PDGFB: variants seen among roughly 807,000 people sequenced by gnomAD.
PDGFB encodes the protein platelet derived growth factor subunit B.
Under a neutral mutation model 29.0 loss-of-function variants are expected in PDGFB, and 6 were observed. The ratio of observed to expected loss-of-function variants is 0.21; its 90% confidence interval spans 0.11 to 0.41. The LOEUF (loss-of-function observed/expected upper bound fraction) is 0.41, where lower values mean the gene tolerates loss of function less well. Ranked by LOEUF, PDGFB falls within the 10% of genes least tolerant of loss-of-function variation. The pLI is 1.00. For missense variants in PDGFB, 299 were observed against 341.8 expected, an observed-to-expected ratio of 0.87 and a Z score of 0.99; for synonymous variants, 144 against 140.8, an observed-to-expected ratio of 1.02 and a Z score of -0.16.
chr22:39,233,349 G>GA, intron 3 of PDGFB, 86 bp downstream of exon 3: 2 of 937,568 alleles, frequency 2.1e-6, no homozygotes, highest in East Asian at 2.8e-5. Flanking sequence ...GACCCTCGGG[G>GA]CCCTCCGACT....
At chr22:39,235,326 C>T (rs1249955393) in intron 2 of PDGFB, among the ~76,000 whole-genome samples, 1 of 152,208 alleles carries the variant, frequency 6.6e-6, no homozygotes, top group Non-Finnish European at 1.5e-5. Flanking sequence ...GAGCACGTGC[C>T]CATTCGCTGA....
At position 39,231,902 on chromosome 22, in the gene PDGFB, G is replaced by A; in HGVS notation, c.251-75C>T. On this transcript the variant is annotated intron_variant, in intron 3 of 6. Transcript: ENST00000331163. The surrounding 1 kb of genome is among the most constrained non-coding windows in gnomAD (Gnocchi z 4.3). ...CCCCACTTGGCAGGGGAGCTCAGCGGGTGCCTCCGGGACTGCTCTTTCTCA... is the reference window on the plus strand; with the variant it reads ...CCCCACTTGGCAGGGGAGCTCAGCGAGTGCCTCCGGGACTGCTCTTTCTCA... The A allele has an allele frequency of 7.8e-7, 1 of 1,277,504 alleles. No individual in the cohort carries two copies. Among genetic ancestry groups the A allele is most frequent in the Non-Finnish European group, 1.1e-6 (1 of 914,970 alleles). The allele number at this position is 1,277,504 out of a possible 1,614,324, so 79.1% of individuals were successfully genotyped here.
At chr22:39,230,340 G>A (rs764283730) in intron 4 of PDGFB, 112 bp from the exon 5 acceptor site, 10 of 1,088,136 alleles carry the variant, frequency 9.2e-6, no homozygotes, top group Non-Finnish European at 1.4e-5. Context: ...ATCTTTCCTC[G>A]AAAGCCCGGA....
rs572655817 is a variant in PDGFB, at chr22:39,238,941, A to G, written c.64-3067T>C. ...TCAGGGCACAGGACGGCCTTCCCAA[A>G]CATCAGGAGTGCAGAGGCTGAGAAA... On this transcript the variant is annotated intron_variant, in intron 1 of 6. Coordinates refer to ENST00000331163, the MANE Select transcript of PDGFB (RefSeq NM_002608.4). 3.3e-5 allele frequency among the ~76,000 whole-genome samples: 5 copies of G among 152,358 alleles called. 1 individual carries two copies. The East Asian group carries it at 9.6e-4, about 29-fold the overall frequency.
At chr22:39,241,142 A>G in intron 1 of PDGFB, 2 of 554,786 alleles carry the variant, frequency 3.6e-6, no homozygotes, top group Non-Finnish European at 6.5e-6. Flanking sequence ...CTGAGGCCAG[A>G]CGCGTCACGT....
At chr22:39,225,488 C>G (rs1414817402) in intron 6 of PDGFB, among the ~76,000 whole-genome samples, 175 bp from the exon 7 acceptor site, 2 of 151,988 alleles carry the variant, frequency 1.3e-5, no homozygotes, top group Non-Finnish European at 2.9e-5. Context: ...TTTAGACCTC[C>G]CATCCTCTTA....
Position 39,243,153 on chromosome 22 carries a change from T to G in PDGFB, c.63+748A>C. ...CTCAGGCACACAGCGCCCCGGGGGC[T>G]GGATTCCTTCAGAGCCCCTAGTCCT... On this transcript the variant is annotated intron_variant, in intron 1 of 6. Coordinates refer to ENST00000331163, the MANE Select transcript of PDGFB (RefSeq NM_002608.4). The surrounding 1 kb of genome is among the most constrained non-coding windows in gnomAD (Gnocchi z 6.4). 4.3e-6 allele frequency: 1 copy of G among 233,166 alleles called. No homozygotes were observed. The highest frequency in any genetic ancestry group is 6.0e-5 in the East Asian group (1 of 16,568). 14.4% of individuals were successfully genotyped at this position (233,166 alleles called of 1,614,324 possible).
At chr22:39,230,625 C>T (rs1011715637) in intron 4 of PDGFB, among the ~76,000 whole-genome samples, 1 of 152,078 alleles carries the variant, frequency 6.6e-6, no homozygotes, top group Non-Finnish European at 1.5e-5. Flanking sequence ...GAGGTGGGAA[C>T]GGGGAGGTCA....
chr22:39,240,747 G>C, intron 1 of PDGFB: 1 of 1,325,330 alleles, frequency 7.5e-7, no homozygotes, highest in South Asian at 1.2e-5. Flanking sequence ...CACTCCAGTA[G>C]AGAAAGCAGG....
intron 2 of PDGFB, among the ~76,000 whole-genome samples, chr22:39,233,981 G>T (rs949229431): frequency 7.1e-6 from 1 of 141,560 alleles, no homozygotes; most frequent in African/African-American, 2.6e-5. Flanking sequence ...TGGAGCCCCG[G>T]ACAATGGCCG....
intron 2 of PDGFB, among the ~76,000 whole-genome samples, chr22:39,234,949 G>T (rs1018157985): frequency 6.6e-6 from 1 of 152,176 alleles, no homozygotes; most frequent in African/African-American, 2.4e-5. Flanking sequence ...GGGAGACATC[G>T]GGTGGGGGCC....
rs1417605932 is a variant in PDGFB at position 39,231,021 on chromosome 22, C to T, written c.456+601G>A. On this transcript the variant is annotated intron_variant, in intron 4 of 6. Coordinates refer to ENST00000331163, the MANE Select transcript of PDGFB (RefSeq NM_002608.4). This position sits in a 1 kb window ranked among gnomAD's most constrained non-coding sequence, Gnocchi z 4.3. ...TCCCTGAGTCCAGTGTATGTATCCC[C>T]CGTCCCTCCGAAGAAAAGCAGGATC... 6.6e-6 allele frequency among the ~76,000 whole-genome samples: 1 copy of T among 152,236 alleles called. No individual in the cohort carries two copies. The highest frequency in any genetic ancestry group is 2.4e-5 in the African/African-American group (1 of 41,456).
At chr22:39,229,493 C>G (rs1569135038) in intron 5 of PDGFB, among the ~76,000 whole-genome samples, 1 of 152,216 alleles carries the variant, frequency 6.6e-6, no homozygotes, top group African/African-American at 2.4e-5. Context: ...GGTTCCCCCG[C>G]TCAAGGATAC....
rs1464914768 is a variant in PDGFB at position 39,242,691 on chromosome 22, G to C, written c.63+1210C>G. Among the ~76,000 whole-genome samples, 3 of 151,854 alleles carry C rather than the reference G, an allele frequency of 2.0e-5. No individual in the cohort carries two copies. Among genetic ancestry groups the C allele is most frequent in the Admixed American group, 6.6e-5 (1 of 15,260 alleles). Reference sequence around the variant, plus strand: ...CCTGCGCTGGCGGCAGCCCAAGGCCGGGCCGCGGCCTCCGAGCCCTCCGCC... The same window carrying C: ...CCTGCGCTGGCGGCAGCCCAAGGCCCGGCCGCGGCCTCCGAGCCCTCCGCC... On this transcript the variant is annotated intron_variant, in intron 1 of 6. Transcript: ENST00000331163. The surrounding 1 kb of genome is among the most constrained non-coding windows in gnomAD (Gnocchi z 5.7).
intron 3 of PDGFB, among the ~76,000 whole-genome samples, chr22:39,232,207 T>C (rs1932325702): frequency 6.6e-6 from 1 of 152,276 alleles, no homozygotes. Context: ...GTGGTTTTTA[T>C]GCAGGTACCA....
At position 39,225,561 on chromosome 22, in the gene PDGFB, G is replaced by A. The variant is rs796684130; in HGVS notation, c.*28+134C>T. The A allele has an allele frequency of 3.5e-6, 3 of 852,018 alleles. No homozygotes were observed. The African/African-American group carries it at 5.1e-5, about 15-fold the overall frequency. The allele number at this position is 852,018 out of a possible 1,614,324, so 52.8% of individuals were successfully genotyped here. On this transcript the variant is annotated intron_variant, in intron 6 of 6. Coordinates refer to ENST00000331163, the MANE Select transcript of PDGFB (RefSeq NM_002608.4). ...GCCCACCACCCACCCTGCCCCAGCT[G>A]ATAACTGGACAGGGAGGACCAAGGC...
At position 39,244,889 on chromosome 22, in the gene PDGFB, C is replaced by A; in HGVS notation, c.-926G>T. Reference sequence around the variant, plus strand: ...CTAGGGAATGAAAAATGGGCGCTGGCGGCCGGAGGGGAGCCCTAGGGAGGC... The same window carrying A: ...CTAGGGAATGAAAAATGGGCGCTGGAGGCCGGAGGGGAGCCCTAGGGAGGC... On this transcript the variant is annotated 5_prime_UTR_variant, in exon 1 of 7. Transcript: ENST00000331163. The surrounding 1 kb of genome is among the most constrained non-coding windows in gnomAD (Gnocchi z 4.5). 1 of 203,368 alleles carries A rather than the reference C, an allele frequency of 4.9e-6. No homozygotes were observed. Among genetic ancestry groups the A allele is most frequent in the East Asian group, 7.2e-5 (1 of 13,810 alleles). 12.6% of individuals were successfully genotyped at this position (203,368 alleles called of 1,614,324 possible).
rs1272222385 is a variant in PDGFB, at chr22:39,243,648, C to G, written c.63+253G>C. 6.6e-6 allele frequency among the ~76,000 whole-genome samples: 1 copy of G among 152,062 alleles called. No homozygotes were observed. Among genetic ancestry groups the G allele is most frequent in the Non-Finnish European group, 1.5e-5 (1 of 67,982 alleles). The stretch of plus-strand genomic sequence containing the variant: ...GGGTGGGGGACAGGGCCACACACAC[C>G]CTCCCCCGACACGGAACGGCTTAGG... On this transcript the variant is annotated intron_variant, in intron 1 of 6. Transcript: ENST00000331163. The surrounding 1 kb of genome is among the most constrained non-coding windows in gnomAD (Gnocchi z 6.4).
intron 4 of PDGFB, among the ~76,000 whole-genome samples, chr22:39,230,905 C>T (rs1932286971): frequency 6.6e-6 from 1 of 152,214 alleles, no homozygotes; most frequent in Non-Finnish European, 1.5e-5. Context: ...AGGAATCTTT[C>T]CACAAGAAGC....
Sources: allele counts gnomAD v4.1 joint callset (sites outside exome capture counted in the v4.1 genomes callset), GRCh38; gene constraint gnomAD v4.1.1; non-coding constraint Gnocchi (gnomAD v3.1); transcripts MANE v1.5; gene names NCBI Gene and HGNC (gene_info 2026-07-23, HGNC 2026-07-21).